PRDM16: variants seen among roughly 807,000 people sequenced by gnomAD.
PRDM16 encodes the protein histone-lysine N-methyltransferase PRDM16.
In PRDM16, 23 loss-of-function variants were observed where a neutral mutation model predicts 110.6. That is an observed-to-expected ratio of 0.21 (90% CI 0.15 to 0.29). The LOEUF (loss-of-function observed/expected upper bound fraction) is 0.29. Ranked by LOEUF, PRDM16 falls within the 10% of genes least tolerant of loss-of-function variation. The pLI is 1.00. For missense variants in PRDM16, 1,615 were observed against 1,794.3 expected, an observed-to-expected ratio of 0.90 and a Z score of 1.81; for synonymous variants, 799 against 781.8, an observed-to-expected ratio of 1.02 and a Z score of -0.37.
In PRDM16 at chr1:3,390,113, C is replaced by T. The variant is rs1223613678; in HGVS notation, c.573+4827C>T. 6.6e-6 allele frequency among the ~76,000 whole-genome samples: 1 copy of T among 152,210 alleles called. No homozygotes were observed. Among genetic ancestry groups the T allele is most frequent in the African/African-American group, 2.4e-5 (1 of 41,446 alleles). ...GGGACAGTTCCTGAATTTGTTTTAA[C>T]GTGAAGAAAGAAAACAAGAGCTTGG... On this transcript the variant is annotated intron_variant, in intron 4 of 16. Coordinates refer to ENST00000270722, the MANE Select transcript of PRDM16 (RefSeq NM_022114.4). The surrounding 1 kb of genome is among the most constrained non-coding windows in gnomAD (Gnocchi z 5.0).
chr1:3,417,747 T>C, intron 10 of PRDM16, 81 bp from the exon 11 acceptor site: 1 of 1,207,734 alleles, frequency 8.3e-7, no homozygotes, highest in Non-Finnish European at 1.2e-6. Flanking sequence ...TATGCTGTTG[T>C]ACAGAACCCC....
chr1:3,412,846 C>A, intron 9 of PRDM16, 46 bp downstream of exon 9: 1 of 1,400,072 alleles, frequency 7.1e-7, no homozygotes. Context: ...GGCGGGGCCG[C>A]GGCGGTGCTG....
chr1:3,214,965 C>G (rs554671674), intron 2 of PRDM16, among the ~76,000 whole-genome samples: 1 of 152,114 alleles, frequency 6.6e-6, no homozygotes. Context: ...TCAGGGCCAC[C>G]GATCTTAGAG....
chr1:3,345,716 TCGGG>T (rs1642347630), intron 3 of PRDM16, among the ~76,000 whole-genome samples: 1 of 151,700 alleles, frequency 6.6e-6, no homozygotes, highest in Non-Finnish European at 1.5e-5. Context: ...TGCTGCCCTC[TCGGG>T]TCCTCCCGTG....
At chr1:3,226,715 G>A (rs1050793930) in intron 2 of PRDM16, among the ~76,000 whole-genome samples, 1 of 152,146 alleles carries the variant, frequency 6.6e-6, no homozygotes, top group African/African-American at 2.4e-5. Flanking sequence ...GAGGGGCCTG[G>A]ATGCAAGAGG....
At chr1:3,189,140 A>G (rs1490956795) in intron 2 of PRDM16, among the ~76,000 whole-genome samples, 1 of 152,166 alleles carries the variant, frequency 6.6e-6, no homozygotes, top group Non-Finnish European at 1.5e-5. Context: ...TGCCGTGAAC[A>G]GGGGCCTGAG....
chr1:3,363,484 G>A (rs1642752777), intron 3 of PRDM16, among the ~76,000 whole-genome samples: 1 of 152,208 alleles, frequency 6.6e-6, no homozygotes, highest in African/African-American at 2.4e-5. Flanking sequence ...GGACTTGGAA[G>A]CCTCTGCCAA....
rs191754440 is a variant in PRDM16 at position 3,425,460 on chromosome 1, G to A, written c.2940-121G>A. ...GATCCAGCAACCTCCGGGACACGGC[G>A]GGGCAAAGCTGTGCACGGGGCACGG... On this transcript the variant is annotated intron_variant, in intron 12 of 16. Transcript: ENST00000270722. This position sits in a 1 kb window ranked among gnomAD's most constrained non-coding sequence, Gnocchi z 6.9. 1.1e-4 allele frequency: 121 copies of A among 1,074,746 alleles called. No individual in the cohort carries two copies. In the East Asian group the frequency reaches 1.4e-3, roughly 12 times the overall value. 66.6% of individuals were successfully genotyped at this position (1,074,746 alleles called of 1,614,324 possible).
intron 1 of PRDM16, among the ~76,000 whole-genome samples, chr1:3,153,284 C>T (rs1209789840): frequency 1.3e-5 from 2 of 152,178 alleles, no homozygotes; most frequent in Non-Finnish European, 2.9e-5. Context: ...AGGTGAGGAA[C>T]GTGGGCCTGG....
At chr1:3,155,804 G>A (rs752467601) in intron 1 of PRDM16, among the ~76,000 whole-genome samples, 2 of 152,224 alleles carry the variant, frequency 1.3e-5, no homozygotes, top group Non-Finnish European at 2.9e-5. Flanking sequence ...GCTCAGGGAC[G>A]CAGCTGATTT....
At position 3,370,192 on chromosome 1, in the gene PRDM16, A is replaced by G. The variant is rs1040031657; in HGVS notation, c.439-14960A>G. ...CCACCGTGGCCTCTGCTTTGGGGAGACTGGCCACTGTGACACTGCACCTAG... is the reference window on the plus strand; with the variant it reads ...CCACCGTGGCCTCTGCTTTGGGGAGGCTGGCCACTGTGACACTGCACCTAG... On this transcript the variant is annotated intron_variant, in intron 3 of 16. Coordinates refer to ENST00000270722, the MANE Select transcript of PRDM16 (RefSeq NM_022114.4). The surrounding 1 kb of genome is among the most constrained non-coding windows in gnomAD (Gnocchi z 4.8). 1.3e-5 allele frequency among the ~76,000 whole-genome samples: 2 copies of G among 152,184 alleles called. No individual in the cohort carries two copies. The highest frequency in any genetic ancestry group is 1.9e-4 in the East Asian group (1 of 5,170).
intron 3 of PRDM16, among the ~76,000 whole-genome samples, chr1:3,329,618 G>A (rs926693258): frequency 3.9e-5 from 6 of 152,224 alleles, no homozygotes; most frequent in Non-Finnish European, 8.8e-5. Flanking sequence ...CAAGGAGCTG[G>A]CCCCACAGGT....
chr1:3,388,435 C>T (rs1237219584), intron 4 of PRDM16, among the ~76,000 whole-genome samples: 4 of 152,170 alleles, frequency 2.6e-5, no homozygotes, highest in African/African-American at 7.2e-5. Flanking sequence ...AAATGGTATT[C>T]GGCAGGGAAA....
chr1:3,136,403 C>T (rs780521233), intron 1 of PRDM16, among the ~76,000 whole-genome samples: 4 of 152,172 alleles, frequency 2.6e-5, no homozygotes, highest in East Asian at 1.9e-4. Context: ...CGACAGTCCC[C>T]GCCTTAGAGT....
chr1:3,404,122 T>C (rs1643519585), intron 6 of PRDM16, among the ~76,000 whole-genome samples: 1 of 152,226 alleles, frequency 6.6e-6, no homozygotes, highest in Admixed American at 6.5e-5. Context: ...AGCCGTGATA[T>C]ATCACTGCTT....
At chr1:3,130,955 T>A (rs918419345) in intron 1 of PRDM16, among the ~76,000 whole-genome samples, 1 of 152,130 alleles carries the variant, frequency 6.6e-6, no homozygotes, top group Non-Finnish European at 1.5e-5. Context: ...TTCCAGCACC[T>A]TCTGAGTTTG....
intron 2 of PRDM16, among the ~76,000 whole-genome samples, chr1:3,215,276 G>C (rs200359493): frequency 6.7e-6 from 1 of 149,838 alleles, no homozygotes; most frequent in East Asian, 2.0e-4. Context: ...CCTCTGTGTG[G>C]ATGATCCACA....
rs1012584102 is a variant in PRDM16, at chr1:3,434,543, G to A, written c.*732G>A. ...GAACAAGAGGCGCGGGGCCACACCCGTGAACCATGCAGACGGCCGAAGAAG... is the reference window on the plus strand; with the variant it reads ...GAACAAGAGGCGCGGGGCCACACCCATGAACCATGCAGACGGCCGAAGAAG... On this transcript the variant is annotated 3_prime_UTR_variant, in exon 17 of 17. Coordinates refer to ENST00000270722, the MANE Select transcript of PRDM16 (RefSeq NM_022114.4). 3.0e-5 allele frequency: 7 copies of A among 231,332 alleles called. No homozygotes were observed. Among genetic ancestry groups the A allele is most frequent in the African/African-American group, 8.8e-5 (4 of 45,212 alleles). 14.3% of individuals were successfully genotyped at this position (231,332 alleles called of 1,614,324 possible).
intron 14 of PRDM16, among the ~76,000 whole-genome samples, chr1:3,427,835 T>C (rs1354749236): frequency 6.6e-6 from 1 of 152,140 alleles, no homozygotes; most frequent in African/African-American, 2.4e-5. Context: ...GCCCCCAGGC[T>C]GTCCCGGCAT....
Sources: allele counts gnomAD v4.1 joint callset (sites outside exome capture counted in the v4.1 genomes callset), GRCh38; gene constraint gnomAD v4.1.1; non-coding constraint Gnocchi (gnomAD v3.1); transcripts MANE v1.5; gene names NCBI Gene and HGNC (gene_info 2026-07-23, HGNC 2026-07-21).